PIP5K1B: variants seen among roughly 807,000 people sequenced by gnomAD.
The protein encoded by PIP5K1B is phosphatidylinositol-4-phosphate 5-kinase type 1 beta, also known as phosphatidylinositol 4-phosphate 5-kinase type-1 beta.
In PIP5K1B, 42 loss-of-function variants were observed where a neutral mutation model predicts 67.0. That is an observed-to-expected ratio of 0.63 (90% CI 0.49 to 0.81). The LOEUF (loss-of-function observed/expected upper bound fraction) is 0.81. Among genes scored for constraint, PIP5K1B ranks in the 30% least tolerant of loss-of-function variants. The pLI is 0.00. For missense variants in PIP5K1B, 459 were observed against 646.3 expected (o/e 0.71, Z 3.14); for synonymous variants, 214 against 231.4 (o/e 0.92, Z 0.68).
At position 68,807,069 on chromosome 9, in the gene PIP5K1B, C is replaced by A. The variant is rs531431778; in HGVS notation, c.-85-11392C>A. ...CCAAGTAAAAGTATTAACTCTAATC[C>A]TGTTAAAGACTTTCCCATTATTACA... On this transcript the variant is annotated intron_variant, in intron 2 of 15. Coordinates refer to ENST00000265382, the MANE Select transcript of PIP5K1B (RefSeq NM_003558.4). 3.9e-5 allele frequency among the ~76,000 whole-genome samples: 6 copies of A among 151,918 alleles called. No individual in the cohort carries two copies. In the South Asian group the frequency reaches 1.2e-3, roughly 32 times the overall value.
chr9:68,891,455 TAAA>T (rs1276516729), intron 7 of PIP5K1B, among the ~76,000 whole-genome samples: 4 of 150,594 alleles, frequency 2.7e-5, no homozygotes, highest in East Asian at 3.9e-4. Flanking sequence ...TTTTTTTTTT[TAAA>T]AAATGATAAA....
chr9:68,854,162 A>G (rs943736359), intron 4 of PIP5K1B, among the ~76,000 whole-genome samples: 1 of 124,920 alleles, frequency 8.0e-6, no homozygotes, highest in African/African-American at 3.2e-5. Flanking sequence ...ACAGGGTTTC[A>G]TTCTGTCATC....
At chr9:68,812,617 A>G (rs1833229060) in intron 2 of PIP5K1B, among the ~76,000 whole-genome samples, 1 of 152,232 alleles carries the variant, frequency 6.6e-6, no homozygotes, top group Admixed American at 6.5e-5. Flanking sequence ...CCTTGTGAGT[A>G]TGTCCTTACT....
At chr9:68,957,462 C>T (rs1828461961) in intron 14 of PIP5K1B, among the ~76,000 whole-genome samples, 1 of 152,048 alleles carries the variant, frequency 6.6e-6, no homozygotes, top group African/African-American at 2.4e-5. Context: ...GCCTATAACC[C>T]TTATAAAAGA....
intron 2 of PIP5K1B, among the ~76,000 whole-genome samples, chr9:68,794,268 A>G (rs1832162640): frequency 6.6e-6 from 1 of 152,220 alleles, no homozygotes; most frequent in South Asian, 2.1e-4. Flanking sequence ...AAGGAACTGA[A>G]GCGAAAGGTC....
rs377657050 is a variant in PIP5K1B, at chr9:68,878,170, CTCTTA to C, written c.318+1381_318+1385del. On this transcript the variant is annotated intron_variant, in intron 6 of 15. Coordinates refer to ENST00000265382, the MANE Select transcript of PIP5K1B (RefSeq NM_003558.4). The stretch of plus-strand genomic sequence containing the variant: ...GATATTATATTATGGAAAACAAGAT[CTCTTA>C]TCTTCTGCCACACACTCAAATTTAA... 3.0e-3 allele frequency among the ~76,000 whole-genome samples: 462 copies of C among 152,236 alleles called. 1 individual carries two copies. Among genetic ancestry groups the C allele is most frequent in the Non-Finnish European group, 4.6e-3 (315 of 68,024 alleles).
chr9:68,858,117 G>A (rs941591113), intron 4 of PIP5K1B, among the ~76,000 whole-genome samples: 4 of 152,016 alleles, frequency 2.6e-5, no homozygotes, highest in African/African-American at 9.7e-5. Flanking sequence ...GGGATTACAG[G>A]TATGCGCCAC....
chr9:69,000,368 G>GT (rs1458881361), intron 15 of PIP5K1B, among the ~76,000 whole-genome samples: 1 of 152,040 alleles, frequency 6.6e-6, no homozygotes, highest in Non-Finnish European at 1.5e-5. Context: ...AATATGTGGG[G>GT]TTTTTTTAAA....
rs1247237596 is a variant in PIP5K1B, at chr9:68,815,772, TAAG to T, written c.-85-2684_-85-2682del. Among the ~76,000 whole-genome samples, 4 of 152,092 alleles carry T rather than the reference TAAG, an allele frequency of 2.6e-5. No individual in the cohort carries two copies. The East Asian group carries it at 7.7e-4, about 29-fold the overall frequency. On this transcript the variant is annotated intron_variant, in intron 2 of 15. Transcript: ENST00000265382. ...AATATCACTTATGAAAATATGCTTT[TAAG>T]AAGATTAAGAAATCAAATCAAAGAT...
At chr9:68,917,820 T>C (rs1826176522) in intron 9 of PIP5K1B, 61 bp downstream of exon 9, 20 of 1,204,222 alleles carry the variant, frequency 1.7e-5, no homozygotes, top group Non-Finnish European at 2.5e-5. Context: ...CACTGGGTAA[T>C]TATAGACAGT....
At chr9:68,835,721 A>G (rs1284902027) in intron 4 of PIP5K1B, among the ~76,000 whole-genome samples, 1 of 152,098 alleles carries the variant, frequency 6.6e-6, no homozygotes, top group East Asian at 1.9e-4. Flanking sequence ...AGTCCTTATT[A>G]TTGACTATTG....
chr9:68,953,180 C>A (rs530701034), intron 14 of PIP5K1B, among the ~76,000 whole-genome samples: 2 of 151,928 alleles, frequency 1.3e-5, no homozygotes, highest in Non-Finnish European at 2.9e-5. Flanking sequence ...TGTTTCTGTC[C>A]TAGTTTCTGA....
intron 8 of PIP5K1B, among the ~76,000 whole-genome samples, chr9:68,895,387 G>A (rs1825030931): frequency 6.6e-6 from 1 of 152,090 alleles, no homozygotes; most frequent in Non-Finnish European, 1.5e-5. Context: ...AATAATCATG[G>A]GAGAACCGTC....
At chr9:68,732,853 T>C (rs974371044) in intron 1 of PIP5K1B, among the ~76,000 whole-genome samples, 1 of 137,276 alleles carries the variant, frequency 7.3e-6, no homozygotes, top group Admixed American at 8.2e-5. Context: ...AATTGATTAC[T>C]GGCACAGTGG....
chr9:69,001,214 G>A lies in PIP5K1B; in HGVS notation c.1621-7233G>A, dbSNP rs575186491. Among the ~76,000 whole-genome samples the A allele has an allele frequency of 2.6e-5, 4 of 152,082 alleles. No homozygotes were observed. In the South Asian group the frequency reaches 8.3e-4, roughly 32 times the overall value. ...GAGCCACCACACCCAGCCTGGGTGT[G>A]CAGCTTCTAATTTCCACCCTCTGGG... On this transcript the variant is annotated intron_variant, in intron 15 of 15. Transcript: ENST00000265382.
chr9:68,928,902 C>T (rs1472245339), intron 12 of PIP5K1B, among the ~76,000 whole-genome samples: 3 of 152,194 alleles, frequency 2.0e-5, no homozygotes, highest in African/African-American at 4.8e-5. Context: ...CGGTGGCTCA[C>T]GCCTATAATC....
At chr9:68,961,937 A>T (rs149551239) in intron 14 of PIP5K1B, among the ~76,000 whole-genome samples, 1 of 152,298 alleles carries the variant, frequency 6.6e-6, no homozygotes, top group East Asian at 1.9e-4. Flanking sequence ...ACAGATACTT[A>T]ACTTAGCTGC....
intron 8 of PIP5K1B, among the ~76,000 whole-genome samples, chr9:68,907,889 A>G (rs1416730171): frequency 1.3e-5 from 2 of 152,232 alleles, no homozygotes; most frequent in African/African-American, 2.4e-5. Context: ...CTTATTTATC[A>G]CGGACAGATT....
At position 69,008,596 on chromosome 9, in the gene PIP5K1B, G is replaced by A. The variant is rs993815008; in HGVS notation, c.*147G>A. ...ATCAACCTGACTTAAGAGTTTTCAA[G>A]ATGTCAACTTCAGGCTGATCAGCAG... On this transcript the variant is annotated 3_prime_UTR_variant, in exon 16 of 16. Transcript: ENST00000265382. 2.6e-6 allele frequency: 2 copies of A among 767,166 alleles called. No homozygotes were observed. Among genetic ancestry groups the A allele is most frequent in the Non-Finnish European group, 4.7e-6 (2 of 427,220 alleles). 47.5% of individuals were successfully genotyped at this position (767,166 alleles called of 1,614,324 possible). A position where few individuals can be genotyped will look rare whatever the true frequency, so the allele number is the denominator to read the frequency against.
Sources: gnomAD v4.1 joint callset for allele counts (sites outside exome capture counted in the v4.1 genomes callset) on GRCh38, gnomAD v4.1.1 for gene constraint, MANE v1.5 for transcripts, NCBI Gene and HGNC (gene_info 2026-07-23, HGNC 2026-07-21) for gene names.